The following PPFIBP1 variants were observed in gnomAD, a reference collection of about 807,000 sequenced individuals.
PPFIBP1 encodes the protein PPFIB scaffold protein 1.
Under a neutral mutation model 137.8 loss-of-function variants are expected in PPFIBP1, and 112 were observed. The observed-to-expected ratio is 0.81, with a 90% CI of 0.70 to 0.95. PPFIBP1 has a LOEUF of 0.95. Among genes scored for constraint, PPFIBP1 ranks in the 40% least tolerant of loss-of-function variants. The probability of loss-of-function intolerance (pLI) is 0.00; values close to 1 mark genes in which losing one functional copy is unlikely to be tolerated. For missense variants in PPFIBP1, 1,083 were observed against 1,196.6 expected, an observed-to-expected ratio of 0.91 and a Z score of 1.40; for synonymous variants, 378 against 417.3, an observed-to-expected ratio of 0.91 and a Z score of 1.15.
At chr12:27,584,264 A>G (rs575243907) in intron 2 of PPFIBP1, 6 of 152,314 alleles carry the variant, frequency 3.9e-5, no homozygotes, top group Admixed American at 1.3e-4. Context: ...AACACCAGGC[A>G]GCGCTTCCAC....
At chr12:27,650,199 C>T in intron 7 of PPFIBP1, 58 bp downstream of exon 7, 1 of 1,448,146 alleles carries the variant, frequency 6.9e-7, no homozygotes, top group Admixed American at 1.9e-5. Context: ...GTCTTTGTCT[C>T]TGACACACAT....
intron 2 of PPFIBP1, among the ~76,000 whole-genome samples, chr12:27,618,330 G>T (rs2138435370): frequency 6.6e-6 from 1 of 152,246 alleles, no homozygotes; most frequent in South Asian, 2.1e-4. Flanking sequence ...GATGGGAAGG[G>T]GGAGCCCAAC....
chr12:27,536,785 G>A (rs1945072504), intron 1 of PPFIBP1, among the ~76,000 whole-genome samples: 1 of 152,240 alleles, frequency 6.6e-6, no homozygotes, highest in Non-Finnish European at 1.5e-5. Context: ...GATGGTGACA[G>A]TAGAGTATTA....
chr12:27,631,359 C>T (rs550176086), intron 2 of PPFIBP1, among the ~76,000 whole-genome samples: 4 of 152,108 alleles, frequency 2.6e-5, no homozygotes, highest in Admixed American at 2.0e-4. Flanking sequence ...TAATGCCAGT[C>T]CCTGGCTACC....
At chr12:27,624,187 C>A (rs539023855) in intron 2 of PPFIBP1, among the ~76,000 whole-genome samples, 1 of 152,188 alleles carries the variant, frequency 6.6e-6, no homozygotes, top group East Asian at 1.9e-4. Context: ...GGCCGGCAGT[C>A]CTGTACATAG....
At position 27,664,448 on chromosome 12, in the gene PPFIBP1, T is replaced by C. The variant is rs1008225596; in HGVS notation, c.991+2T>C. ...TGGTACTGGCCCAAGGTAAAAAAGG[T>C]AGAGTGTAGCTCTAAAAGTTTTTCT... On this transcript the variant is annotated splice_donor_variant, in intron 12 of 29. Coordinates refer to ENST00000228425, the MANE Select transcript of PPFIBP1 (RefSeq NM_003622.4). LOFTEE classifies it high-confidence loss of function. 6.2e-7 allele frequency: 1 copy of C among 1,603,188 alleles called. No homozygotes were observed. The highest frequency in any genetic ancestry group is 8.5e-7 in the Non-Finnish European group (1 of 1,173,852).
At chr12:27,652,171 T>C (rs2058914566) in intron 7 of PPFIBP1, among the ~76,000 whole-genome samples, 1 of 152,242 alleles carries the variant, frequency 6.6e-6, no homozygotes, top group African/African-American at 2.4e-5. Context: ...ATCCATAATA[T>C]TTAACTTTCT....
intron 1 of PPFIBP1, chr12:27,547,912 GT>G (rs1946390674): frequency 6.6e-6 from 1 of 152,144 alleles, no homozygotes; most frequent in Non-Finnish European, 1.5e-5. Context: ...GCAATATAGT[GT>G]CTACTATACT....
intron 17 of PPFIBP1, among the ~76,000 whole-genome samples, chr12:27,676,027 A>T (rs1229662088): frequency 1.3e-5 from 2 of 152,208 alleles, no homozygotes; most frequent in Non-Finnish European, 2.9e-5. Flanking sequence ...TAAGAATATG[A>T]ACTGTATTAT....
chr12:27,692,362 T>A (rs903930927), intron 28 of PPFIBP1, among the ~76,000 whole-genome samples: 2 of 152,240 alleles, frequency 1.3e-5, no homozygotes, highest in African/African-American at 4.8e-5. Context: ...TCAACAATGC[T>A]TTGCTACTAT....
intron 1 of PPFIBP1, among the ~76,000 whole-genome samples, chr12:27,566,491 T>C (rs540850345): frequency 6.6e-6 from 1 of 152,320 alleles, no homozygotes; most frequent in Admixed American, 6.5e-5. Context: ...GCCTTTAGGA[T>C]AAAACCCCAT....
rs548350552 is a variant in PPFIBP1 at position 27,581,220 on chromosome 12, C to CA, written c.-36+2982dup. ...GTACCTTCAGTCTTAGGTGTTCTGGCAGGTGGCACGTATATGAAATTTCGT... is the reference window on the plus strand; with the variant it reads ...GTACCTTCAGTCTTAGGTGTTCTGGCAAGGTGGCACGTATATGAAATTTCGT... On this transcript the variant is annotated intron_variant, in intron 2 of 29. Coordinates refer to ENST00000228425, the MANE Select transcript of PPFIBP1 (RefSeq NM_003622.4). Among the ~76,000 whole-genome samples, 16 of 152,286 alleles carry CA rather than the reference C, an allele frequency of 1.1e-4. No individual in the cohort carries two copies. In the South Asian group the frequency reaches 3.3e-3, roughly 32 times the overall value.
At chr12:27,562,969 T>C (rs1249307417) in intron 1 of PPFIBP1, among the ~76,000 whole-genome samples, 1 of 152,022 alleles carries the variant, frequency 6.6e-6, no homozygotes, top group Non-Finnish European at 1.5e-5. Flanking sequence ...GTGTGCATAA[T>C]TCTAAAGATG....
At chr12:27,602,651 T>C (rs12578772) in intron 2 of PPFIBP1, among the ~76,000 whole-genome samples, 28,971 of 152,170 alleles carry the variant, frequency 0.19, 3,076 homozygotes, top group South Asian at 0.38. Flanking sequence ...GCATTCATTA[T>C]TCTAAGTAAC....
chr12:27,552,932 G>A (rs1021954061), intron 1 of PPFIBP1, among the ~76,000 whole-genome samples: 2 of 152,024 alleles, frequency 1.3e-5, no homozygotes, highest in Admixed American at 6.6e-5. Flanking sequence ...CAGGGTGATC[G>A]GACACCTGGG....
In PPFIBP1 at chr12:27,692,611, A is replaced by C; in HGVS notation, c.2886A>C (p.Thr962=). Residue 962 remains threonine (T), a synonymous_variant, in exon 29 of 30, where the codon ACA becomes ACC. Transcript: ENST00000228425. ...RLEQMEDSEG[T]VRQIGAFSEG... is the part of the protein sequence containing the mutation. ...TGCAGATGGAAGATTCAGAAGGGAC[A>C]GTGAGACAGATAGGTGCATTCTCTG... The C allele has an allele frequency of 1.9e-6, 3 of 1,613,990 alleles. No homozygotes were observed. The highest frequency in any genetic ancestry group is 2.2e-5 in the South Asian group (2 of 91,080).
chr12:27,691,534 C>A (rs148287994), intron 27 of PPFIBP1, among the ~76,000 whole-genome samples: 39 of 152,274 alleles, frequency 2.6e-4, no homozygotes, highest in African/African-American at 8.7e-4. Context: ...TAACAAGGGT[C>A]ATTTATCATT....
intron 13 of PPFIBP1, among the ~76,000 whole-genome samples, chr12:27,668,043 G>A (rs1039460713): frequency 6.6e-6 from 1 of 152,114 alleles, no homozygotes; most frequent in African/African-American, 2.4e-5. Flanking sequence ...ACATTACATT[G>A]TTAGGACACG....
chr12:27,593,425 CT>C, intron 2 of PPFIBP1: 1 of 455,650 alleles, frequency 2.2e-6, no homozygotes, highest in Non-Finnish European at 4.4e-6. Flanking sequence ...TTCCTTAAGC[CT>C]TAGAGGAGTC....
Sources: allele counts gnomAD v4.1 joint callset (sites outside exome capture counted in the v4.1 genomes callset), GRCh38; gene constraint gnomAD v4.1.1; transcripts MANE v1.5; gene names NCBI Gene and HGNC (gene_info 2026-07-23, HGNC 2026-07-21).